Variants in PHACTR2 observed in about 807,000 individuals in gnomAD.
The protein encoded by PHACTR2 is chromosome 6 open reading frame 56.
In PHACTR2, 30 loss-of-function variants were observed where a neutral mutation model predicts 76.0. The observed-to-expected ratio is 0.39, with a 90% CI of 0.30 to 0.54. The LOEUF is 0.54. PHACTR2 is among the 20% of genes least tolerant of loss of function. The probability of loss-of-function intolerance (pLI) is 0.61; values close to 1 mark genes in which losing one functional copy is unlikely to be tolerated. For synonymous variants in PHACTR2, 292 were observed against 292.5 expected, an observed-to-expected ratio of 1.00 and a Z score of 0.02; for missense variants, 696 against 781.1, an observed-to-expected ratio of 0.89 and a Z score of 1.30.
chr6:143,559,694 T>TC (rs1338821298), intron 1 of PHACTR2, among the ~76,000 whole-genome samples: 8 of 33,166 alleles, frequency 2.4e-4, no homozygotes, highest in African/African-American at 8.0e-4. Flanking sequence ...TCTTTTCTTT[T>TC]TTTTTTTTTT....
chr6:143,747,743 G>T (rs1562292027), intron 2 of PHACTR2, among the ~76,000 whole-genome samples: 1 of 152,166 alleles, frequency 6.6e-6, no homozygotes, highest in Non-Finnish European at 1.5e-5. Context: ...GTGCATTTTT[G>T]AACAGAAGGT....
intron 1 of PHACTR2, among the ~76,000 whole-genome samples, chr6:143,699,043 T>A (rs116892823): frequency 3.1e-4 from 47 of 152,298 alleles, no homozygotes; most frequent in Non-Finnish European, 6.2e-4. Context: ...TCATTTTGCG[T>A]CCAGTCTTGT....
rs1053198042 is a variant in PHACTR2 at position 143,775,791 on chromosome 6, T to G, written c.1590-1537T>G. ...AGGAGTAAAAAAGTGTGAAGTATCCTATACCCACCTCAATAAATGTCAAAG... is the reference window on the plus strand; with the variant it reads ...AGGAGTAAAAAAGTGTGAAGTATCCGATACCCACCTCAATAAATGTCAAAG... On this transcript the variant is annotated intron_variant, in intron 8 of 12. Transcript: ENST00000440869. The surrounding 1 kb of genome is among the most constrained non-coding windows in gnomAD (Gnocchi z 4.4). 2.6e-5 allele frequency among the ~76,000 whole-genome samples: 4 copies of G among 152,190 alleles called. No homozygotes were observed. The highest frequency in any genetic ancestry group is 4.8e-5 in the African/African-American group (2 of 41,440).
rs1405547006 is a variant in PHACTR2 at position 143,743,465 on chromosome 6, A to C, written c.215-5520A>C. On this transcript the variant is annotated intron_variant, in intron 2 of 12. Coordinates refer to ENST00000440869, the MANE Select transcript of PHACTR2 (RefSeq NM_001100164.2). The surrounding 1 kb of genome is among the most constrained non-coding windows in gnomAD (Gnocchi z 5.0). ...AATCGCCAGACCCCTGAGTGTTTTTAGGTGGGGATGTTGGCTTTGTATCTC... is the reference window on the plus strand; with the variant it reads ...AATCGCCAGACCCCTGAGTGTTTTTCGGTGGGGATGTTGGCTTTGTATCTC... 6.6e-6 allele frequency among the ~76,000 whole-genome samples: 1 copy of C among 152,200 alleles called. No homozygotes were observed. The highest frequency in any genetic ancestry group is 2.4e-5 in the African/African-American group (1 of 41,470).
rs1164727229 is a variant in PHACTR2 at position 143,791,550 on chromosome 6, G to A, written c.1845+2640G>A. 1.3e-5 allele frequency among the ~76,000 whole-genome samples: 2 copies of A among 152,144 alleles called. No individual in the cohort carries two copies. Among genetic ancestry groups the A allele is most frequent in the East Asian group, 3.8e-4 (2 of 5,200 alleles). ...TCACATGTCCTTGAAAACAATATGT[G>A]TTCTATGGTTTGAGGGTGTGCAAAT... On this transcript the variant is annotated intron_variant, in intron 11 of 12. Transcript: ENST00000440869. This position sits in a 1 kb window ranked among gnomAD's most constrained non-coding sequence, Gnocchi z 4.7.
chr6:143,716,728 TATA>T (rs1449761680), intron 2 of PHACTR2, among the ~76,000 whole-genome samples: 1 of 152,172 alleles, frequency 6.6e-6, no homozygotes, highest in Non-Finnish European at 1.5e-5. Flanking sequence ...AAACTTGCTA[TATA>T]AAGTGGAACA....
rs1042738771 is a variant in PHACTR2 at position 143,730,559 on chromosome 6, A to C, written c.214+18376A>C. On this transcript the variant is annotated intron_variant, in intron 2 of 12. Coordinates refer to ENST00000440869, the MANE Select transcript of PHACTR2 (RefSeq NM_001100164.2). The surrounding 1 kb of genome is among the most constrained non-coding windows in gnomAD (Gnocchi z 4.8). ...GATTTTCTACATGGACAATTATGTC[A>C]TCTGTGAATGGGAATCATTTTATTT... is the stretch of plus-strand genomic sequence containing the variant. 3.3e-5 allele frequency among the ~76,000 whole-genome samples: 5 copies of C among 152,206 alleles called. No homozygotes were observed. The highest frequency in any genetic ancestry group is 1.2e-4 in the African/African-American group (5 of 41,448).
At chr6:143,634,638 A>G (rs1259417250) in intron 1 of PHACTR2, among the ~76,000 whole-genome samples, 2 of 152,198 alleles carry the variant, frequency 1.3e-5, no homozygotes, top group African/African-American at 4.8e-5. Context: ...ATTCCATTGG[A>G]GAATGAGGCT....
At chr6:143,729,035 G>A (rs368796609) in intron 2 of PHACTR2, among the ~76,000 whole-genome samples, 4 of 152,240 alleles carry the variant, frequency 2.6e-5, no homozygotes, top group African/African-American at 9.6e-5. Context: ...AAAGGAAGCA[G>A]TCAACAGAGT....
At position 143,739,063 on chromosome 6, in the gene PHACTR2, A is replaced by T. The variant is rs1353244247; in HGVS notation, c.215-9922A>T. On this transcript the variant is annotated intron_variant, in intron 2 of 12. Coordinates refer to ENST00000440869, the MANE Select transcript of PHACTR2 (RefSeq NM_001100164.2). The surrounding 1 kb of genome is among the most constrained non-coding windows in gnomAD (Gnocchi z 4.3). Reference sequence around the variant, plus strand: ...CAGCTGAGATTCACTTTATTTATTTATTATTTATTTATTTATTTTTGAGAC... The same window carrying T: ...CAGCTGAGATTCACTTTATTTATTTTTTATTTATTTATTTATTTTTGAGAC... 6.6e-6 allele frequency among the ~76,000 whole-genome samples: 1 copy of T among 151,848 alleles called. No individual in the cohort carries two copies. Among genetic ancestry groups the T allele is most frequent in the East Asian group, 1.9e-4 (1 of 5,172 alleles).
rs748873059 is a variant in PHACTR2, at chr6:143,562,904, C to T, written c.217+25697C>T. Among the ~76,000 whole-genome samples, 25 of 152,018 alleles carry T rather than the reference C, an allele frequency of 1.6e-4. No homozygotes were observed. Among genetic ancestry groups the T allele is most frequent in the African/African-American group, 2.9e-4 (12 of 41,376 alleles). On this transcript the variant is annotated intron_variant, in intron 1 of 11. Transcript: ENST00000367584. The surrounding 1 kb of genome is among the most constrained non-coding windows in gnomAD (Gnocchi z 5.1). ...GATGGATAAATATTGTATGATTCCA[C>T]GTAGAGGATTTACCTAGAATAGGCA...
intron 1 of PHACTR2, among the ~76,000 whole-genome samples, chr6:143,694,820 A>G (rs934829999): frequency 6.4e-4 from 97 of 152,356 alleles, no homozygotes; most frequent in African/African-American, 2.1e-3. Flanking sequence ...GCCCATATGC[A>G]TTGTAAACCA....
Position 143,712,132 on chromosome 6 carries a change from TG to T in PHACTR2, c.165del (p.Trp55Ter). On this transcript the variant is annotated frameshift_variant, in exon 2 of 13. Transcript: ENST00000440869. LOFTEE classifies it high-confidence loss of function. ...LSTIGKIFKP[W>X]KWRKKKTSDK... ...CACCATTGGTAAAATCTTTAAGCCT[TG>T]GAAATGGAGGAAAAAGAAGACCAGC... The T allele has an allele frequency of 6.3e-7, 1 of 1,575,736 alleles. No homozygotes were observed. Among genetic ancestry groups the T allele is most frequent in the Non-Finnish European group, 8.6e-7 (1 of 1,164,822 alleles).
intron 2 of PHACTR2, among the ~76,000 whole-genome samples, chr6:143,717,246 A>C (rs982336888): frequency 1.3e-5 from 2 of 152,106 alleles, no homozygotes; most frequent in Non-Finnish European, 2.9e-5. Context: ...AAATACTACC[A>C]ATCATTCAAG....
rs1177494789 is a variant in PHACTR2, at chr6:143,819,133, A to G, written c.1923-4541A>G. Among the ~76,000 whole-genome samples the G allele has an allele frequency of 2.0e-5, 3 of 152,284 alleles. No individual in the cohort carries two copies. The highest frequency in any genetic ancestry group is 2.1e-4 in the South Asian group (1 of 4,828). On this transcript the variant is annotated intron_variant, in intron 12 of 12. Transcript: ENST00000440869. The surrounding 1 kb of genome is among the most constrained non-coding windows in gnomAD (Gnocchi z 5.0). ...AATAACTTCCTAGATACCCCTGTGTATATGTGTTCAGTGACTTATGCATTC... is the reference window on the plus strand; with the variant it reads ...AATAACTTCCTAGATACCCCTGTGTGTATGTGTTCAGTGACTTATGCATTC...
chr6:143,760,608 A>T lies in PHACTR2; in HGVS notation c.662A>T (p.Lys221Met). Residue 221 changes from lysine (K) to methionine (M), a missense_variant, in exon 5 of 13, where the codon AAG becomes ATG. This residue lies in a region of PHACTR2 where 460 missense variants were observed against 450.9 expected (regional missense o/e 1.02). Transcript: ENST00000440869. This position sits in a 1 kb window ranked among gnomAD's most constrained non-coding sequence, Gnocchi z 6.4. ...AAGCAGGCCCCCGTCCCTCCACCCA[A>T]GCCAGCAAGCCGAAACACGACCCGA... ...PGKQAPVPPP[K>M]PASRNTTREA... 6.2e-7 allele frequency: 1 copy of T among 1,613,634 alleles called. No individual in the cohort carries two copies. Among genetic ancestry groups the T allele is most frequent in the East Asian group, 2.2e-5 (1 of 44,880 alleles).
rs11321214 is a variant in PHACTR2, at chr6:143,764,520, CAAAAA to C, written c.695-728_695-724del. ...TGGGCGACAGAACAAGACCTTGTCT[CAAAAA>C]AAAAAAAAAAAAGGAGCAACCCATG... On this transcript the variant is annotated intron_variant, in intron 5 of 12. Coordinates refer to ENST00000440869, the MANE Select transcript of PHACTR2 (RefSeq NM_001100164.2). This position sits in a 1 kb window ranked among gnomAD's most constrained non-coding sequence, Gnocchi z 4.7. Among the ~76,000 whole-genome samples, 1 of 110,736 alleles carries C rather than the reference CAAAAA, an allele frequency of 9.0e-6. No individual in the cohort carries two copies. 72.6% of individuals were successfully genotyped at this position (110,736 alleles called of 152,430 possible).
rs1417375813 is a variant in PHACTR2 at position 143,680,120 on chromosome 6, G to A, written c.46+1911G>A. Reference sequence around the variant, plus strand: ...TTAGAGCTACCCTGTTTCCCTGAAGGTTTGCCATCAGATTCCAAATGAAAA... The same window carrying A: ...TTAGAGCTACCCTGTTTCCCTGAAGATTTGCCATCAGATTCCAAATGAAAA... On this transcript the variant is annotated intron_variant, in intron 1 of 12. Transcript: ENST00000440869. The surrounding 1 kb of genome is among the most constrained non-coding windows in gnomAD (Gnocchi z 4.5). Among the ~76,000 whole-genome samples, 1 of 150,990 alleles carries A rather than the reference G, an allele frequency of 6.6e-6. No individual in the cohort carries two copies. The highest frequency in any genetic ancestry group is 1.5e-5 in the Non-Finnish European group (1 of 67,844).
At chr6:143,808,752 A>T (rs2128484099) in intron 12 of PHACTR2, among the ~76,000 whole-genome samples, 1 of 152,186 alleles carries the variant, frequency 6.6e-6, no homozygotes, top group East Asian at 1.9e-4. Context: ...TTTTATATAC[A>T]TGTAGAGCGT....
Sources: gnomAD v4.1 joint callset for allele counts (sites outside exome capture counted in the v4.1 genomes callset) on GRCh38, gnomAD v4.1.1 for gene constraint, gnomAD v4.1.1 regional missense constraint, Gnocchi (gnomAD v3.1) non-coding constraint, MANE v1.5 for transcripts, NCBI Gene and HGNC (gene_info 2026-07-23, HGNC 2026-07-21) for gene names.